CAST: variants seen among roughly 807,000 people sequenced by gnomAD.
CAST encodes MIR583 host.
CAST carries 76 observed loss-of-function variants against 119.6 expected under a neutral mutation model. That is an observed-to-expected ratio of 0.64 (90% CI 0.53 to 0.77). The LOEUF is 0.77. CAST is among the 30% of genes least tolerant of loss of function. The pLI, the probability that CAST is intolerant of heterozygous loss-of-function variation, is 0.00. For missense variants in CAST, 953 were observed against 946.5 expected, an observed-to-expected ratio of 1.01 and a Z score of -0.09; for synonymous variants, 319 against 331.6, an observed-to-expected ratio of 0.96 and a Z score of 0.41.
chr5:96,023,513 G>C, the CAST span, among the ~76,000 whole-genome samples: 1 of 152,116 alleles, frequency 6.6e-6, no homozygotes, highest in Non-Finnish European at 1.5e-5. Context: ...AGTTTAGTGG[G>C]AGATCTGAGG....
rs1256005703 is a variant in CAST, at chr5:96,574,146, T to C, written c.60+44266T>C. Among the ~76,000 whole-genome samples the C allele has an allele frequency of 7.2e-5, 2 of 27,630 alleles. 1 individual carries two copies. The highest frequency in any genetic ancestry group is 1.1e-4 in the Non-Finnish European group (2 of 18,722). 18.1% of individuals were successfully genotyped at this position (27,630 alleles called of 152,430 possible). A position where few individuals can be genotyped will look rare whatever the true frequency, so the allele number is the denominator to read the frequency against. On this transcript the variant is annotated intron_variant, in intron 1 of 11. Coordinates refer to the CAST transcript ENST00000505143. ...AATCTCGGCTCACTGCAAGCTCCGCTTCCCGGGTTCACGCCATTCTCCTGC... is the reference window on the plus strand; with the variant it reads ...AATCTCGGCTCACTGCAAGCTCCGCCTCCCGGGTTCACGCCATTCTCCTGC...
the CAST span, chr5:96,432,978 A>G: frequency 7.1e-5 from 114 of 1,614,184 alleles, no homozygotes; most frequent in African/African-American, 1.4e-3. Flanking sequence ...TGCACTGTTC[A>G]GTGCACACCA....
the CAST span, among the ~76,000 whole-genome samples, chr5:95,984,733 A>T: frequency 6.6e-6 from 1 of 152,200 alleles, no homozygotes; most frequent in Non-Finnish European, 1.5e-5. Flanking sequence ...ATGACACTGC[A>T]CTACCCTAAA....
the CAST span, among the ~76,000 whole-genome samples, chr5:96,210,646 A>T: frequency 1.3e-5 from 2 of 152,082 alleles, no homozygotes; most frequent in East Asian, 1.9e-4. Context: ...TTATTAAAAA[A>T]TTTAAAGCTG....
the CAST span, among the ~76,000 whole-genome samples, chr5:96,039,420 T>C: frequency 1.3e-5 from 2 of 152,236 alleles, no homozygotes; most frequent in Non-Finnish European, 2.9e-5. Context: ...GCCATTGCTT[T>C]TGGTGTTTTA....
the CAST span, among the ~76,000 whole-genome samples, chr5:96,192,585 G>T: frequency 6.6e-6 from 1 of 152,198 alleles, no homozygotes; most frequent in Non-Finnish European, 1.5e-5. Context: ...GATGTGATAG[G>T]TTGCATTAAG....
At chr5:96,264,416 A>G in the CAST span, among the ~76,000 whole-genome samples, 1 of 152,166 alleles carries the variant, frequency 6.6e-6, no homozygotes, top group Non-Finnish European at 1.5e-5. Context: ...AGCCTAAATC[A>G]CAGTATTTCT....
At chr5:96,618,930 C>G (rs1252796433) in intron 1 of CAST, among the ~76,000 whole-genome samples, 2 of 152,236 alleles carry the variant, frequency 1.3e-5, no homozygotes, top group African/African-American at 4.8e-5. Flanking sequence ...GCTCCTGAGT[C>G]GAGTGGGGAC....
chr5:96,020,574 C>G, the CAST span, among the ~76,000 whole-genome samples: 1 of 152,166 alleles, frequency 6.6e-6, no homozygotes, highest in South Asian at 2.1e-4. Context: ...AGCACAAACC[C>G]TATTGTGAAT....
intron 3 of CAST, among the ~76,000 whole-genome samples, chr5:96,698,252 GA>G (rs1232102924): frequency 8.5e-5 from 13 of 152,094 alleles, no homozygotes; most frequent in Non-Finnish European, 1.5e-4. Flanking sequence ...TAGTTATAAA[GA>G]ATTTGAACAT....
the CAST span, among the ~76,000 whole-genome samples, chr5:95,971,535 C>T: frequency 5.9e-5 from 9 of 152,190 alleles, no homozygotes; most frequent in Admixed American, 1.3e-4. Flanking sequence ...ATCAAAAATT[C>T]GACAAACAGA....
At chr5:96,165,331 A>T in the CAST span, among the ~76,000 whole-genome samples, 1 of 152,170 alleles carries the variant, frequency 6.6e-6, no homozygotes, top group Non-Finnish European at 1.5e-5. Flanking sequence ...GCAGAGGGGT[A>T]GATAGACTAA....
the CAST span, among the ~76,000 whole-genome samples, chr5:96,460,352 G>T: frequency 6.6e-6 from 1 of 152,018 alleles, no homozygotes; most frequent in Non-Finnish European, 1.5e-5. Flanking sequence ...ACAGGGAGGG[G>T]AACATGACAA....
chr5:96,524,815 C>T (rs1282154940), upstream of CAST, among the ~76,000 whole-genome samples: 1 of 152,192 alleles, frequency 6.6e-6, no homozygotes, highest in Non-Finnish European at 1.5e-5. Context: ...TCTTACTTTT[C>T]AAACACAATG....
chr5:96,468,666 G>A, the CAST span, among the ~76,000 whole-genome samples: 5 of 152,062 alleles, frequency 3.3e-5, no homozygotes, highest in Admixed American at 2.6e-4. Flanking sequence ...AATTAAAGTT[G>A]GTTTTAGCTA....
chr5:96,135,411 G>C, the CAST span, among the ~76,000 whole-genome samples: 1 of 152,136 alleles, frequency 6.6e-6, no homozygotes, highest in African/African-American at 2.4e-5. Context: ...GGAGGTAATG[G>C]AAAAGGCAAA....
intron 3 of CAST, among the ~76,000 whole-genome samples, chr5:96,708,970 T>G (rs1193768323): frequency 1.3e-5 from 2 of 152,260 alleles, no homozygotes; most frequent in African/African-American, 4.8e-5. Context: ...AAGATTGTTT[T>G]CCATGAGAGT....
chr5:96,760,862 CAATA>C (rs971782751), intron 24 of CAST: 8 of 151,466 alleles, frequency 5.3e-5, no homozygotes, highest in African/African-American at 1.9e-4. Flanking sequence ...TTTTATAACT[CAATA>C]AAATTATTCA....
chr5:96,495,464 T>G, the CAST span, among the ~76,000 whole-genome samples: 1 of 152,280 alleles, frequency 6.6e-6, no homozygotes, highest in Non-Finnish European at 1.5e-5. Context: ...TTCCCCTCCC[T>G]GTGTCCATGT....
Sources: allele counts gnomAD v4.1 joint callset (sites outside exome capture counted in the v4.1 genomes callset), GRCh38; gene constraint gnomAD v4.1.1; transcripts MANE v1.5; gene names NCBI Gene and HGNC (gene_info 2026-07-23, HGNC 2026-07-21).